Variants in CCDC73 observed in about 807,000 individuals in gnomAD.
CCDC73 encodes the protein coiled-coil domain containing 73.
Under a neutral mutation model 116.5 loss-of-function variants are expected in CCDC73, and 95 were observed. That is an observed-to-expected ratio of 0.82 (90% CI 0.69 to 0.97). The LOEUF (loss-of-function observed/expected upper bound fraction) is 0.97. CCDC73 is among the 50% of genes least tolerant of loss of function. The pLI is 0.00. For synonymous variants in CCDC73, 398 were observed against 401.3 expected (o/e 0.99, Z 0.10); for missense variants, 1,066 against 1,206.8 (o/e 0.88, Z 1.73).
At chr11:32,696,420 G>C (rs116442293) in intron 6 of CCDC73, among the ~76,000 whole-genome samples, 2,058 of 151,536 alleles carry the variant, frequency 0.014, 53 homozygotes, top group African/African-American at 0.047. Flanking sequence ...TTTAATTATG[G>C]TCAAGACCTA....
At chr11:32,673,774 T>G (rs1266440915) in intron 9 of CCDC73, among the ~76,000 whole-genome samples, 1 of 152,200 alleles carries the variant, frequency 6.6e-6, no homozygotes, top group Non-Finnish European at 1.5e-5. Context: ...ATGGGTTTAT[T>G]TGCAAAGGTG....
intron 11 of CCDC73, 103 bp downstream of exon 11, chr11:32,653,875 A>G (rs1855848391): frequency 8.4e-7 from 1 of 1,185,484 alleles, no homozygotes; most frequent in East Asian, 2.5e-5. Context: ...AATACACATT[A>G]ACTGAGTGCC....
intron 1 of CCDC73, among the ~76,000 whole-genome samples, chr11:32,781,048 T>C (rs1277247204): frequency 2.0e-5 from 3 of 152,132 alleles, no homozygotes; most frequent in Admixed American, 6.6e-5. Context: ...GGTAGGAGGA[T>C]TGCTTGAGCC....
chr11:32,702,208 GAGAT>G (rs1163111262), intron 4 of CCDC73, among the ~76,000 whole-genome samples: 1 of 152,292 alleles, frequency 6.6e-6, no homozygotes. Flanking sequence ...ATAATGATGT[GAGAT>G]AGAGATAAGG....
At chr11:32,803,797 GTGTTT>G in the CCDC73 span, among the ~76,000 whole-genome samples, 1 of 151,824 alleles carries the variant, frequency 6.6e-6, no homozygotes, top group African/African-American at 2.4e-5. Flanking sequence ...ATTAAACCTG[GTGTTT>G]TGTTTGTTTG....
rs183611163 is a variant in CCDC73, at chr11:32,685,011, G to A, written c.391-1437C>T. Among the ~76,000 whole-genome samples the A allele has an allele frequency of 5.0e-3, 763 of 152,102 alleles. 5 individuals are homozygous for A. The highest frequency in any genetic ancestry group is 0.02 in the Middle Eastern group (6 of 294). ...ATATATATATATAGTGGCTGACCAA[G>A]TTAAATGCCAACCAGCCATGTATGA... On this transcript the variant is annotated intron_variant, in intron 6 of 17. Transcript: ENST00000335185.
chr11:32,687,748 G>A (rs1325699035), intron 6 of CCDC73, among the ~76,000 whole-genome samples: 1 of 152,128 alleles, frequency 6.6e-6, no homozygotes. Context: ...AGCAATAATT[G>A]CAATAGCACT....
At chr11:32,673,185 G>A (rs1006681865) in intron 9 of CCDC73, among the ~76,000 whole-genome samples, 39 of 152,102 alleles carry the variant, frequency 2.6e-4, no homozygotes, top group African/African-American at 9.4e-4. Context: ...AACATCATAT[G>A]TCATTAGGGA....
intron 1 of CCDC73, among the ~76,000 whole-genome samples, chr11:32,779,998 G>A (rs1350084705): frequency 6.6e-6 from 1 of 152,192 alleles, no homozygotes. Context: ...ACGAGGTTGG[G>A]TGCAGTAACT....
intron 2 of CCDC73, among the ~76,000 whole-genome samples, chr11:32,721,314 TGCACTTG>T (rs1175865882): frequency 1.3e-5 from 2 of 152,000 alleles, no homozygotes; most frequent in African/African-American, 4.8e-5. Context: ...AATGAGCCAC[TGCACTTG>T]GCCCATGATA....
chr11:32,649,167 T>C (rs1039823819), intron 12 of CCDC73, among the ~76,000 whole-genome samples: 9 of 152,138 alleles, frequency 5.9e-5, no homozygotes, highest in Non-Finnish European at 1.3e-4. Context: ...ACCAATAACT[T>C]AGATAATCCA....
chr11:32,643,276 G>A (rs1855749171), intron 12 of CCDC73, among the ~76,000 whole-genome samples: 1 of 152,002 alleles, frequency 6.6e-6, no homozygotes, highest in Non-Finnish European at 1.5e-5. Context: ...CATTTTAAGA[G>A]TACCCAGTGA....
At chr11:32,774,715 T>C (rs139411916) in intron 1 of CCDC73, among the ~76,000 whole-genome samples, 7 of 152,350 alleles carry the variant, frequency 4.6e-5, no homozygotes, top group African/African-American at 1.7e-4. Flanking sequence ...AATACCCAAC[T>C]TAATTATGTA....
In CCDC73 at chr11:32,717,549, A is replaced by G. The variant is rs116355006; in HGVS notation, c.207+527T>C. ...TTTTCTGGAAGCCTAAATGTTACCA[A>G]CAGTTTTAGTTGGGATTTTCTTGAG... On this transcript the variant is annotated intron_variant, in intron 3 of 17. Transcript: ENST00000335185. 7.2e-3 allele frequency among the ~76,000 whole-genome samples: 1,090 copies of G among 152,308 alleles called. 17 individuals carry two copies. Among genetic ancestry groups the G allele is most frequent in the African/African-American group, 0.025 (1,051 of 41,572 alleles).
At position 32,771,235 on chromosome 11, in the gene CCDC73, T is replaced by C. The variant is rs564750202; in HGVS notation, c.-15-10977A>G. Among the ~76,000 whole-genome samples the C allele has an allele frequency of 3.3e-5, 5 of 152,178 alleles. No homozygotes were observed. In the South Asian group the frequency reaches 8.3e-4, roughly 25 times the overall value. The stretch of plus-strand genomic sequence containing the variant: ...AGGCCTTTGGATCATCAAAGAACAA[T>C]GGGTAGAAAACAAGACTAAAACAAC... On this transcript the variant is annotated intron_variant, in intron 1 of 17. Coordinates refer to ENST00000335185, the MANE Select transcript of CCDC73 (RefSeq NM_001008391.4).
rs145467907 is a variant in CCDC73 at position 32,654,480 on chromosome 11, A to G, written c.774+364T>C. 4.6e-3 allele frequency among the ~76,000 whole-genome samples: 708 copies of G among 152,304 alleles called. 3 individuals carry two copies. The highest frequency in any genetic ancestry group is 0.016 in the African/African-American group (671 of 41,570). On this transcript the variant is annotated intron_variant, in intron 10 of 17. Transcript: ENST00000335185. ...TAAGCCACTGCACCTGGCCCAAAGT[A>G]CCCACATTTGTTTGTGGTTTAAACA...
chr11:32,627,123 G>GA (rs1290447506), intron 14 of CCDC73, among the ~76,000 whole-genome samples: 3 of 152,092 alleles, frequency 2.0e-5, no homozygotes, highest in African/African-American at 7.2e-5. Context: ...AAATTTACAA[G>GA]AAAAAAACAA....
At chr11:32,706,188 C>A (rs969794230) in intron 3 of CCDC73, among the ~76,000 whole-genome samples, 1 of 152,118 alleles carries the variant, frequency 6.6e-6, no homozygotes, top group African/African-American at 2.4e-5. Context: ...TCTAACCACA[C>A]CTGCAAGGAA....
intron 2 of CCDC73, among the ~76,000 whole-genome samples, chr11:32,749,204 G>A (rs368884173): frequency 5.9e-5 from 9 of 151,744 alleles, no homozygotes; most frequent in South Asian, 4.1e-4. Flanking sequence ...CTATTTTCTC[G>A]ATTTTGTATG....
Sources: allele counts gnomAD v4.1 joint callset (sites outside exome capture counted in the v4.1 genomes callset), GRCh38; gene constraint gnomAD v4.1.1; transcripts MANE v1.5; gene names NCBI Gene and HGNC (gene_info 2026-07-23, HGNC 2026-07-21).